Variants in LRRC8B observed in about 807,000 individuals in gnomAD.
The protein encoded by LRRC8B is volume-regulated anion channel subunit LRRC8B.
Under a neutral mutation model 58.8 loss-of-function variants are expected in LRRC8B, and 23 were observed. That is an observed-to-expected ratio of 0.39 (90% CI 0.28 to 0.55). The LOEUF (loss-of-function observed/expected upper bound fraction) is 0.55, where lower values mean the gene tolerates loss of function less well. Among genes scored for constraint, LRRC8B ranks in the 20% least tolerant of loss-of-function variants. LRRC8B has a pLI of 0.62. For missense variants in LRRC8B, 694 were observed against 936.0 expected (o/e 0.74, Z 3.37); for synonymous variants, 359 against 374.1 (o/e 0.96, Z 0.47).
At chr1:89,575,789 C>G (rs1350522034) in intron 3 of LRRC8B, among the ~76,000 whole-genome samples, 1 of 152,150 alleles carries the variant, frequency 6.6e-6, no homozygotes, top group Non-Finnish European at 1.5e-5. Flanking sequence ...AAATCTGAAT[C>G]CACTTGACTC....
Position 89,584,023 on chromosome 1 carries a change from C to T in LRRC8B, c.1373C>T (p.Ala458Val), listed in dbSNP as rs763808958. Residue 458 changes from alanine to valine, a missense_variant, in exon 5 of 6, where the codon GCA (alanine) becomes GTA (valine). This residue lies in a region of LRRC8B where 162 missense variants were observed against 198.5 expected (regional missense o/e 0.82). Coordinates refer to ENST00000330947, the MANE Select transcript of LRRC8B (RefSeq NM_001369817.2). ...ATCCCAGAGGTGAAGCTGCCCTCTG[C>T]AGTCTCACAGCTGGTCAACCTCAAG... is the stretch of plus-strand genomic sequence containing the variant. Reference protein sequence around the residue: ...ELIPEVKLPSAVSQLVNLKEL... With the variant: ...ELIPEVKLPSVVSQLVNLKEL... 5.4e-5 allele frequency: 87 copies of T among 1,614,038 alleles called. No homozygotes were observed. Among genetic ancestry groups the T allele is most frequent in the Non-Finnish European group, 7.1e-5 (84 of 1,180,020 alleles).
chr1:89,549,279 G>T (rs904377536), intron 1 of LRRC8B, among the ~76,000 whole-genome samples: 1 of 152,172 alleles, frequency 6.6e-6, no homozygotes, highest in African/African-American at 2.4e-5. Context: ...GCAAAGAGAG[G>T]AGATTGGTAT....
chr1:89,573,086 G>T (rs988350505), intron 3 of LRRC8B, among the ~76,000 whole-genome samples: 4 of 152,122 alleles, frequency 2.6e-5, no homozygotes, highest in African/African-American at 9.7e-5. Flanking sequence ...GGATCACGAG[G>T]TCAGGAGATC....
Position 89,586,248 on chromosome 1 carries a change from C to T in LRRC8B, c.2139+1459C>T, listed in dbSNP as rs143214528. ...AGAGTTTGCATTTCTAAGAAGTCCC[C>T]AGGTGGAGCTGATGATGCTGGCCTA... On this transcript the variant is annotated intron_variant, in intron 5 of 5. Transcript: ENST00000330947. 2.0e-3 allele frequency among the ~76,000 whole-genome samples: 301 copies of T among 152,272 alleles called. 1 individual carries two copies. Among genetic ancestry groups the T allele is most frequent in the Admixed American group, 5.5e-3 (84 of 15,292 alleles).
chr1:89,559,186 A>C (rs753769518), intron 1 of LRRC8B: 2 of 152,200 alleles, frequency 1.3e-5, no homozygotes, highest in Non-Finnish European at 2.9e-5. Flanking sequence ...CCATATACAC[A>C]GAGGTGGCGG....
At chr1:89,527,060 G>A (rs1323196948) in intron 1 of LRRC8B, 1 of 152,138 alleles carries the variant, frequency 6.6e-6, no homozygotes, top group African/African-American at 2.4e-5. Context: ...ACTAATCCAT[G>A]TATTTTCCTG....
chr1:89,526,247 C>G (rs965041200), intron 1 of LRRC8B, among the ~76,000 whole-genome samples: 1 of 152,234 alleles, frequency 6.6e-6, no homozygotes, highest in African/African-American at 2.4e-5. Flanking sequence ...CGGAGTCTCA[C>G]TCTGTCGCCC....
At chr1:89,592,037 C>T (rs962924295) in intron 5 of LRRC8B, among the ~76,000 whole-genome samples, 10 of 152,098 alleles carry the variant, frequency 6.6e-5, no homozygotes, top group African/African-American at 1.9e-4. Context: ...TGTACTGTGG[C>T]GCCCTTAGAA....
chr1:89,586,488 A>G (rs1482902888), intron 5 of LRRC8B, among the ~76,000 whole-genome samples: 3 of 152,184 alleles, frequency 2.0e-5, no homozygotes, highest in East Asian at 3.8e-4. Flanking sequence ...AGCTTATTCA[A>G]TTGTTAGCTG....
At chr1:89,532,556 T>A (rs907474694) in intron 1 of LRRC8B, among the ~76,000 whole-genome samples, 1 of 152,148 alleles carries the variant, frequency 6.6e-6, no homozygotes, top group Admixed American at 6.5e-5. Flanking sequence ...CTGATGGTGT[T>A]ATAAGGGGCT....
At chr1:89,547,738 G>A (rs1160244282) in intron 1 of LRRC8B, among the ~76,000 whole-genome samples, 1 of 151,432 alleles carries the variant, frequency 6.6e-6, no homozygotes, top group Non-Finnish European at 1.5e-5. Context: ...AGTTTATCAT[G>A]CCCATCAGGG....
intron 1 of LRRC8B, among the ~76,000 whole-genome samples, chr1:89,525,331 C>T (rs1378283008): frequency 3.3e-5 from 5 of 152,198 alleles, no homozygotes; most frequent in Admixed American, 2.6e-4. Flanking sequence ...CTCTCTTTCC[C>T]CCGGGAGTCT....
chr1:89,560,839 A>G (rs1570601746), intron 1 of LRRC8B, among the ~76,000 whole-genome samples: 1 of 152,022 alleles, frequency 6.6e-6, no homozygotes, highest in South Asian at 2.1e-4. Context: ...TAATGCCGCA[A>G]TAAACATACG....
Position 89,583,349 on chromosome 1 carries a change from G to A in LRRC8B, c.699G>A (p.Gln233=). The part of the protein sequence containing the change: ...SSVLDKKEGE[Q]AKAIFEKVKR... ...TCCTGGACAAGAAGGAGGGTGAACA[G>A]GCCAAAGCCATCTTTGAAAAAGTGA... Residue 233 remains glutamine, a synonymous_variant, in exon 5 of 6, where the codon CAG becomes CAA. Transcript: ENST00000330947. This position sits in a 1 kb window ranked among gnomAD's most constrained non-coding sequence, Gnocchi z 5.2. The A allele has an allele frequency of 2.5e-6, 4 of 1,614,172 alleles. No individual in the cohort carries two copies. Among genetic ancestry groups the A allele is most frequent in the Non-Finnish European group, 3.4e-6 (4 of 1,180,038 alleles).
At chr1:89,525,325 C>T (rs951118743) in intron 1 of LRRC8B, among the ~76,000 whole-genome samples, 7 of 152,204 alleles carry the variant, frequency 4.6e-5, no homozygotes, top group African/African-American at 1.7e-4. Context: ...GGTCACCTCT[C>T]TTTCCCCCGG....
chr1:89,531,141 AGTTT>A (rs1357430423), intron 1 of LRRC8B, among the ~76,000 whole-genome samples: 23 of 152,208 alleles, frequency 1.5e-4, no homozygotes, highest in African/African-American at 5.1e-4. Context: ...AACAAAACTG[AGTTT>A]ATTCCTGGCC....
intron 3 of LRRC8B, among the ~76,000 whole-genome samples, chr1:89,575,981 G>C (rs1202604821): frequency 6.6e-6 from 1 of 152,164 alleles, no homozygotes; most frequent in Non-Finnish European, 1.5e-5. Context: ...ACAAAGACAT[G>C]TTTTAAAGTA....
intron 1 of LRRC8B, among the ~76,000 whole-genome samples, chr1:89,555,081 T>G (rs1183907320): frequency 6.6e-6 from 1 of 152,170 alleles, no homozygotes; most frequent in Non-Finnish European, 1.5e-5. Flanking sequence ...TCCTCTTTGC[T>G]AAGACCAAGT....
chr1:89,589,899 G>A lies in LRRC8B; in HGVS notation c.2140-2872G>A, dbSNP rs370910916. Among the ~76,000 whole-genome samples, 62 of 146,114 alleles carry A rather than the reference G, an allele frequency of 4.2e-4. 1 individual carries two copies. The highest frequency in any genetic ancestry group is 6.7e-4 in the Admixed American group (10 of 14,960). On this transcript the variant is annotated intron_variant, in intron 5 of 5. Coordinates refer to ENST00000330947, the MANE Select transcript of LRRC8B (RefSeq NM_001369817.2). ...TGTAAAAGAAAACCATCCTGTTCTC[G>A]GGGACTTCAATTCATTTTGCTGAAG... is the stretch of plus-strand genomic sequence containing the variant.
Sources: gnomAD v4.1 joint callset for allele counts (sites outside exome capture counted in the v4.1 genomes callset) on GRCh38, gnomAD v4.1.1 for gene constraint, gnomAD v4.1.1 regional missense constraint, Gnocchi (gnomAD v3.1) non-coding constraint, MANE v1.5 for transcripts, NCBI Gene and HGNC (gene_info 2026-07-23, HGNC 2026-07-21) for gene names.